The following SUFU variants were observed in gnomAD, a reference collection of about 807,000 sequenced individuals.
SUFU encodes the protein SUFU negative regulator of hedgehog signaling.
A neutral mutation model predicts 58.9 loss-of-function variants in SUFU; 7 were observed. The ratio of observed to expected loss-of-function variants is 0.12; its 90% CI spans 0.07 to 0.22. The LOEUF (loss-of-function observed/expected upper bound fraction) is 0.22. SUFU is among the 10% of genes least tolerant of loss of function. The probability of loss-of-function intolerance (pLI) is 1.00; values close to 1 mark genes in which losing one functional copy is unlikely to be tolerated. For missense variants in SUFU, 451 were observed against 641.3 expected (o/e 0.70, Z 3.20); for synonymous variants, 232 against 254.8 (o/e 0.91, Z 0.85).
In SUFU at chr10:102,633,034, T is replaced by C; in HGVS notation, c.*2879T>C. 4.3e-6 allele frequency: 1 copy of C among 233,356 alleles called. No individual in the cohort carries two copies. The highest frequency in any genetic ancestry group is 5.6e-5 in the Admixed American group (1 of 17,796). 14.5% of individuals were successfully genotyped at this position (233,356 alleles called of 1,614,324 possible). ...GAGTCTAAAAGGGCTAGAGCATTTT[T>C]AAAAATAGACACAGGGTCTTGGGAC... On this transcript the variant is annotated 3_prime_UTR_variant, in exon 12 of 12. Coordinates refer to ENST00000369902, the MANE Select transcript of SUFU (RefSeq NM_016169.4).
At position 102,554,190 on chromosome 10, in the gene SUFU, G is replaced by A. The variant is rs540725031; in HGVS notation, c.454+4084G>A. Among the ~76,000 whole-genome samples the A allele has an allele frequency of 2.6e-5, 4 of 152,200 alleles. No homozygotes were observed. The East Asian group carries it at 7.7e-4, about 29-fold the overall frequency. On this transcript the variant is annotated intron_variant, in intron 3 of 11. Coordinates refer to ENST00000369902, the MANE Select transcript of SUFU (RefSeq NM_016169.4). ...GGCCGAGGTGGTTGGATCACCTGAGGTCAGGAGTTCGAGACCAGCCTGGCC... is the reference window on the plus strand; with the variant it reads ...GGCCGAGGTGGTTGGATCACCTGAGATCAGGAGTTCGAGACCAGCCTGGCC...
At position 102,630,536 on chromosome 10, in the gene SUFU, G is replaced by A. The variant is rs888965546; in HGVS notation, c.*381G>A. 8 of 413,192 alleles carry A rather than the reference G, an allele frequency of 1.9e-5. No homozygotes were observed. The highest frequency in any genetic ancestry group is 4.1e-5 in the East Asian group (1 of 24,674). 25.6% of individuals were successfully genotyped at this position (413,192 alleles called of 1,614,324 possible). The stretch of plus-strand genomic sequence containing the variant: ...CCGCACAGCCCAGCAGGAGGGAGGC[G>A]GACAGCCAGATGCAGAGCGAGTGGA... On this transcript the variant is annotated 3_prime_UTR_variant, in exon 12 of 12. Transcript: ENST00000369902.
chr10:102,521,116 A>C (rs1210940623), intron 2 of SUFU, among the ~76,000 whole-genome samples: 1 of 152,142 alleles, frequency 6.6e-6, no homozygotes, highest in Non-Finnish European at 1.5e-5. Flanking sequence ...CTATTGTTTC[A>C]TGTCCTCACC....
rs2063846531 is a variant in SUFU at position 102,632,535 on chromosome 10, G to A, written c.*2380G>A. The A allele has an allele frequency of 4.3e-6, 1 of 233,322 alleles. No homozygotes were observed. The highest frequency in any genetic ancestry group is 8.5e-6 in the Non-Finnish European group (1 of 118,190). 14.5% of individuals were successfully genotyped at this position (233,322 alleles called of 1,614,324 possible). On this transcript the variant is annotated 3_prime_UTR_variant, in exon 12 of 12. Coordinates refer to ENST00000369902, the MANE Select transcript of SUFU (RefSeq NM_016169.4). ...GGTTTCTTGGGCTGCTGGCTGGTGA[G>A]AGAGGACCCTTAAAGAAGATCAAGC...
chr10:102,550,991 G>A (rs1228348773), intron 3 of SUFU, among the ~76,000 whole-genome samples: 3 of 152,068 alleles, frequency 2.0e-5, no homozygotes, highest in African/African-American at 4.8e-5. Context: ...TGATCTGCCC[G>A]CCTCGCCTCC....
chr10:102,609,947 T>C (rs1183663156), intron 8 of SUFU, among the ~76,000 whole-genome samples: 1 of 152,154 alleles, frequency 6.6e-6, no homozygotes, highest in Non-Finnish European at 1.5e-5. Flanking sequence ...CTGTGAACAC[T>C]CCAAGGGAAA....
In SUFU at chr10:102,573,111, T is replaced by C. The variant is rs565953312; in HGVS notation, c.455-19471T>C. ...TGGAAGGTAGGTGACGTGCGGATCT[T>C]CTTTTTTTTGTGGCTGTGGACACCT... On this transcript the variant is annotated intron_variant, in intron 3 of 11. Coordinates refer to ENST00000369902, the MANE Select transcript of SUFU (RefSeq NM_016169.4). 49 of 777,994 alleles carry C rather than the reference T, an allele frequency of 6.3e-5. 1 individual carries two copies. Among genetic ancestry groups the C allele is most frequent in the South Asian group, 6.0e-4 (45 of 74,806 alleles). The allele number at this position is 777,994 out of a possible 1,614,324, so 48.2% of individuals were successfully genotyped here.
chr10:102,587,425 G>A (rs1225699422), intron 3 of SUFU, among the ~76,000 whole-genome samples: 2 of 152,098 alleles, frequency 1.3e-5, no homozygotes, highest in Non-Finnish European at 2.9e-5. Context: ...GGTATAAAGT[G>A]ATATCTCAAA....
rs191673012 is a variant in SUFU, at chr10:102,633,509, C to T, written c.*3354C>T. 33 of 211,834 alleles carry T rather than the reference C, an allele frequency of 1.6e-4. No individual in the cohort carries two copies. The highest frequency in any genetic ancestry group is 4.3e-4 in the East Asian group (6 of 14,066). The allele number at this position is 211,834 out of a possible 1,614,324, so 13.1% of individuals were successfully genotyped here. ...GCCTGAAGTAGTGGAGCCGGAAGCC[C>T]GGGGCCCTGGCAGAGGGAGTGGGTT... is the stretch of plus-strand genomic sequence containing the variant. On this transcript the variant is annotated 3_prime_UTR_variant, in exon 12 of 12. Transcript: ENST00000369902.
intron 7 of SUFU, among the ~76,000 whole-genome samples, chr10:102,597,960 C>T (rs2063480262): frequency 6.6e-6 from 1 of 152,248 alleles, no homozygotes; most frequent in South Asian, 2.1e-4. Context: ...AAAGGAGAAG[C>T]AGCCACTTAC....
chr10:102,572,232 ATT>A lies in SUFU; in HGVS notation c.455-20336_455-20335del, dbSNP rs56074714. Among the ~76,000 whole-genome samples, 864 of 138,686 alleles carry A rather than the reference ATT, an allele frequency of 6.2e-3. 10 individuals carry two copies. Among genetic ancestry groups the A allele is most frequent in the African/African-American group, 0.02 (755 of 37,524 alleles). The allele number at this position is 138,686 out of a possible 152,430, so 91.0% of individuals were successfully genotyped here. ...AGGCACCGGCCACCACGCCTGGATA[ATT>A]TTTTTTTTTTTTTGTAATTTTAGTA... On this transcript the variant is annotated intron_variant, in intron 3 of 11. Transcript: ENST00000369902.
At chr10:102,506,012 C>A (rs2062320888) in intron 1 of SUFU, among the ~76,000 whole-genome samples, 1 of 118,524 alleles carries the variant, frequency 8.4e-6, no homozygotes, top group Admixed American at 1.2e-4. Flanking sequence ...GTGTGGGGAG[C>A]GTAGCCAGAC....
intron 8 of SUFU, among the ~76,000 whole-genome samples, chr10:102,603,476 C>T (rs1284166912): frequency 2.0e-5 from 3 of 152,166 alleles, no homozygotes; most frequent in Non-Finnish European, 4.4e-5. Context: ...GGACAGGGCA[C>T]ATGCAGGTGT....
intron 2 of SUFU, among the ~76,000 whole-genome samples, chr10:102,541,176 A>G (rs965118322): frequency 1.3e-5 from 2 of 152,062 alleles, no homozygotes; most frequent in African/African-American, 4.8e-5. Flanking sequence ...TATTTTGAGT[A>G]TGTGAAAGCA....
Position 102,625,531 on chromosome 10 carries a change from G to A in SUFU, c.1297-1644G>A, listed in dbSNP as rs1465039525. Among the ~76,000 whole-genome samples the A allele has an allele frequency of 6.6e-6, 1 of 152,174 alleles. No individual in the cohort carries two copies. Among genetic ancestry groups the A allele is most frequent in the Admixed American group, 6.5e-5 (1 of 15,286 alleles). Reference sequence around the variant, plus strand: ...TGCCTGTGTCCCTGGAAGGATGAATGGATGAGTTAGTGTCCTGGGGGTGAG... The same window carrying A: ...TGCCTGTGTCCCTGGAAGGATGAATAGATGAGTTAGTGTCCTGGGGGTGAG... On this transcript the variant is annotated intron_variant, in intron 10 of 11. Coordinates refer to ENST00000369902, the MANE Select transcript of SUFU (RefSeq NM_016169.4). This position sits in a 1 kb window ranked among gnomAD's most constrained non-coding sequence, Gnocchi z 4.7.
chr10:102,528,151 T>G (rs888460545), intron 2 of SUFU, among the ~76,000 whole-genome samples: 3 of 152,044 alleles, frequency 2.0e-5, no homozygotes, highest in African/African-American at 7.2e-5. Flanking sequence ...GGCTGACCTT[T>G]GAGTTTGGGG....
At chr10:102,602,472 A>G (rs1487307468) in intron 8 of SUFU, among the ~76,000 whole-genome samples, 1 of 152,218 alleles carries the variant, frequency 6.6e-6, no homozygotes, top group Non-Finnish European at 1.5e-5. Context: ...TATTGGGCTT[A>G]TTTAACTAAA....
rs975896184 is a variant in SUFU at position 102,599,419 on chromosome 10, T to C, written c.911-14T>C. The C allele has an allele frequency of 6.3e-7, 1 of 1,599,648 alleles. No individual in the cohort carries two copies. The highest frequency in any genetic ancestry group is 1.7e-5 in the Admixed American group (1 of 59,992). On this transcript the variant is annotated splice_polypyrimidine_tract_variant and intron_variant, in intron 7 of 11. Coordinates refer to ENST00000369902, the MANE Select transcript of SUFU (RefSeq NM_016169.4). ...CCCACTGGGCCACTGGGCAACTTAG[T>C]GGTGTCGTTGCAGACACAGAGCAGA...
chr10:102,553,934 A>C (rs1426530842), intron 3 of SUFU, among the ~76,000 whole-genome samples: 1 of 152,184 alleles, frequency 6.6e-6, no homozygotes, highest in Non-Finnish European at 1.5e-5. Flanking sequence ...TCTCTACAAA[A>C]ATTTTAAAAA....
Sources: gnomAD v4.1 joint callset for allele counts (sites outside exome capture counted in the v4.1 genomes callset) on GRCh38, gnomAD v4.1.1 for gene constraint, Gnocchi (gnomAD v3.1) non-coding constraint, MANE v1.5 for transcripts, NCBI Gene and HGNC (gene_info 2026-07-23, HGNC 2026-07-21) for gene names.